Variants in CAMK2D observed in about 807,000 individuals in gnomAD.
CAMK2D encodes the protein calcium/calmodulin dependent protein kinase II delta.
In CAMK2D, 37 loss-of-function variants were observed where a neutral mutation model predicts 84.0. The observed-to-expected ratio is 0.44, with a 90% confidence interval of 0.34 to 0.58. CAMK2D has a LOEUF of 0.58. Among genes scored for constraint, CAMK2D ranks in the 20% least tolerant of loss-of-function variants. CAMK2D has a pLI of 0.02. For missense variants in CAMK2D, 448 were observed against 652.5 expected (o/e 0.69, Z 3.41); for synonymous variants, 202 against 212.5 (o/e 0.95, Z 0.43).
At chr4:113,460,023 A>G (rs1360324449) in intron 18 of CAMK2D, 124 bp downstream of exon 18, 1 of 678,846 alleles carries the variant, frequency 1.5e-6, no homozygotes, top group Non-Finnish European at 2.7e-6. Flanking sequence ...AAACCATTGT[A>G]TGGTTTCAAA....
At chr4:113,524,926 T>C (rs1417848747) in intron 8 of CAMK2D, among the ~76,000 whole-genome samples, 1 of 152,158 alleles carries the variant, frequency 6.6e-6, no homozygotes, top group Non-Finnish European at 1.5e-5. Context: ...TGGGTAAGAA[T>C]GGATGAAGGC....
At chr4:113,505,599 A>G (rs1174197325) in intron 13 of CAMK2D, among the ~76,000 whole-genome samples, 2 of 69,716 alleles carry the variant, frequency 2.9e-5, no homozygotes, top group South Asian at 3.6e-4. Context: ...TAAAAATTAC[A>G]TCTTCAATTA....
intron 2 of CAMK2D, among the ~76,000 whole-genome samples, chr4:113,693,827 T>C (rs1023360198): frequency 6.6e-6 from 1 of 152,168 alleles, no homozygotes; most frequent in African/African-American, 2.4e-5. Context: ...TTTTTTTACT[T>C]TTTTACACTA....
At chr4:113,623,331 GTAA>G (rs997700614) in intron 3 of CAMK2D, among the ~76,000 whole-genome samples, 42 of 151,914 alleles carry the variant, frequency 2.8e-4, no homozygotes, top group Non-Finnish European at 5.9e-5. Flanking sequence ...TTGTAAATAA[GTAA>G]TAATGACTAC....
chr4:113,761,431 G>A lies in CAMK2D; in HGVS notation c.-363C>T. 1.7e-6 allele frequency: 2 copies of A among 1,197,306 alleles called. No individual in the cohort carries two copies. Among genetic ancestry groups the A allele is most frequent in the South Asian group, 1.8e-5 (1 of 55,156 alleles). The allele number at this position is 1,197,306 out of a possible 1,614,324, so 74.2% of individuals were successfully genotyped here. A position where few individuals can be genotyped will look rare whatever the true frequency, so the allele number is the denominator to read the frequency against. On this transcript the variant is annotated 5_prime_UTR_variant, in exon 1 of 21. Coordinates refer to ENST00000511664, the MANE Select transcript of CAMK2D (RefSeq NM_001321571.2). ...ATGGAAAAACAGCCAGGCACGGGAC[G>A]AGTGGCAAGCAGTTGCGAAACGATC...
intron 2 of CAMK2D, among the ~76,000 whole-genome samples, chr4:113,724,734 C>T (rs1311672458): frequency 6.6e-6 from 1 of 151,678 alleles, no homozygotes; most frequent in Non-Finnish European, 1.5e-5. Context: ...TTCTTGCTTT[C>T]CTTGGTTAAT....
chr4:113,545,931 G>A (rs754649205), intron 6 of CAMK2D, among the ~76,000 whole-genome samples: 5 of 152,214 alleles, frequency 3.3e-5, no homozygotes, highest in East Asian at 1.9e-4. Flanking sequence ...AATTAGTGAC[G>A]TTAGCTCATA....
At chr4:113,498,113 A>G (rs17046112) in intron 16 of CAMK2D, among the ~76,000 whole-genome samples, 8,602 of 152,224 alleles carry the variant, frequency 0.057, 753 homozygotes, top group African/African-American at 0.2. Context: ...TTTGGTTTCA[A>G]CAGAGCTGGA....
intron 2 of CAMK2D, among the ~76,000 whole-genome samples, chr4:113,750,285 G>A (rs1291835999): frequency 6.6e-6 from 1 of 152,120 alleles, no homozygotes; most frequent in Non-Finnish European, 1.5e-5. Flanking sequence ...AGAGAGTACT[G>A]CAACAGTACC....
At position 113,531,236 on chromosome 4, in the gene CAMK2D, G is replaced by A. The variant is rs1339963501; in HGVS notation, c.581C>T (p.Pro194Leu). 1.9e-6 allele frequency: 3 copies of A among 1,597,268 alleles called. No individual in the cohort carries two copies. In the Admixed American group the frequency reaches 5.0e-5, roughly 27 times the overall value. Residue 194 changes from proline to leucine, a missense_variant, in exon 8 of 21, where the codon CCA becomes CTA. By Grantham distance (98) the Pro-to-Leu change is moderately conservative. This residue lies in a region of CAMK2D where 69 missense variants were observed against 175.6 expected (regional missense o/e 0.39). Transcript: ENST00000511664. ...EVLRKDPYGK[P>L]VDMWACGVIL... ...CTTACCACATGCCCACATATCCACT[G>A]GCTTTCCATAAGGATCTTTACGTAA...
chr4:113,529,552 T>G (rs1027600882), intron 8 of CAMK2D, among the ~76,000 whole-genome samples: 1 of 152,162 alleles, frequency 6.6e-6, no homozygotes, highest in African/African-American at 2.4e-5. Flanking sequence ...TTTAGGTGAT[T>G]ATGTTGATAA....
chr4:113,513,090 A>G, intron 12 of CAMK2D: 1 of 777,534 alleles, frequency 1.3e-6, no homozygotes. Flanking sequence ...ACTGGTGGCC[A>G]CTGCTGCCAG....
At chr4:113,463,165 G>C (rs961717463) in intron 17 of CAMK2D, among the ~76,000 whole-genome samples, 1 of 152,038 alleles carries the variant, frequency 6.6e-6, no homozygotes, top group Non-Finnish European at 1.5e-5. Flanking sequence ...GATATAGTTT[G>C]TCTTACATTT....
At chr4:113,564,662 T>C (rs902271813) in intron 4 of CAMK2D, among the ~76,000 whole-genome samples, 9 of 152,192 alleles carry the variant, frequency 5.9e-5, no homozygotes, top group Non-Finnish European at 1.2e-4. Flanking sequence ...TCAATCAACA[T>C]TAATTGAATT....
chr4:113,484,713 A>G (rs1379125500), intron 16 of CAMK2D, among the ~76,000 whole-genome samples: 2 of 152,204 alleles, frequency 1.3e-5, no homozygotes, highest in African/African-American at 4.8e-5. Flanking sequence ...CCTTAGAGCT[A>G]AACTTTATAA....
intron 2 of CAMK2D, among the ~76,000 whole-genome samples, chr4:113,717,621 A>C (rs111496961): frequency 1.3e-5 from 2 of 152,080 alleles, no homozygotes; most frequent in African/African-American, 4.8e-5. Flanking sequence ...ACTTGAAATG[A>C]TTCTACTAAA....
intron 3 of CAMK2D, among the ~76,000 whole-genome samples, chr4:113,659,819 G>C (rs900137976): frequency 6.6e-6 from 1 of 152,220 alleles, no homozygotes; most frequent in Non-Finnish European, 1.5e-5. Flanking sequence ...TTATATGTCA[G>C]AGTTGTTTTG....
intron 2 of CAMK2D, among the ~76,000 whole-genome samples, chr4:113,747,692 C>T (rs923770532): frequency 1.4e-4 from 21 of 151,886 alleles, no homozygotes; most frequent in African/African-American, 5.1e-4. Flanking sequence ...TTTGTATTGC[C>T]CCAAGGCTCA....
intron 4 of CAMK2D, among the ~76,000 whole-genome samples, chr4:113,572,688 T>C (rs1465414435): frequency 6.6e-6 from 1 of 152,150 alleles, no homozygotes; most frequent in Admixed American, 6.5e-5. Flanking sequence ...TTGGTGGCAG[T>C]GTAAATTAGT....
Sources: allele counts gnomAD v4.1 joint callset (sites outside exome capture counted in the v4.1 genomes callset), GRCh38; gene constraint gnomAD v4.1.1; regional missense constraint gnomAD v4.1.1; transcripts MANE v1.5; gene names NCBI Gene and HGNC (gene_info 2026-07-23, HGNC 2026-07-21).